Variants in PCMTD1 observed in about 807,000 individuals in gnomAD.
PCMTD1 encodes protein-L-isoaspartate O-methyltransferase domain-containing protein 1.
Under a neutral mutation model 37.6 loss-of-function variants are expected in PCMTD1, and 12 were observed. The observed-to-expected ratio is 0.32, with a 90% confidence interval of 0.20 to 0.52. The LOEUF (loss-of-function observed/expected upper bound fraction) is 0.52, where lower values mean the gene tolerates loss of function less well. Among genes scored for constraint, PCMTD1 ranks in the 20% least tolerant of loss-of-function variants. The probability of loss-of-function intolerance (pLI) is 0.97; values close to 1 mark genes in which losing one functional copy is unlikely to be tolerated. For missense variants in PCMTD1, 235 were observed against 421.3 expected, an observed-to-expected ratio of 0.56 and a Z score of 3.87; for synonymous variants, 117 against 135.8, an observed-to-expected ratio of 0.86 and a Z score of 0.96.
Position 51,820,354 on chromosome 8 carries a change from T to C in PCMTD1, c.1071A>G (p.Lys357=), listed in dbSNP as rs557489198. ...GCATTTTTCTTCTTGATCTAAGTTA[T>C]TTGTCTCTAAAATATGTCAAGTAAG... ...LKAYLTYFRD[K] Residue 357 remains lysine (K), a synonymous_variant, in exon 6 of 6, where the codon AAA becomes AAG. Coordinates refer to ENST00000522514, the MANE Select transcript of PCMTD1 (RefSeq NM_052937.4). 1.8e-5 allele frequency: 28 copies of C among 1,561,334 alleles called. No homozygotes were observed. The East Asian group carries it at 5.7e-4, about 32-fold the overall frequency.
intron 5 of PCMTD1, among the ~76,000 whole-genome samples, chr8:51,823,338 C>T (rs1266040959): frequency 1.3e-5 from 2 of 152,130 alleles, no homozygotes. Flanking sequence ...GTGGTACACG[C>T]CTGTATTCCC....
chr8:51,854,376 GAA>G (rs61269395), intron 2 of PCMTD1, among the ~76,000 whole-genome samples: 35 of 150,708 alleles, frequency 2.3e-4, no homozygotes, highest in Admixed American at 4.6e-4. Flanking sequence ...GTGAGAGGGG[GAA>G]AAAAAAAATC....
At chr8:51,893,269 T>C (rs2038959932) in intron 1 of PCMTD1, among the ~76,000 whole-genome samples, 1 of 152,202 alleles carries the variant, frequency 6.6e-6, no homozygotes, top group Non-Finnish European at 1.5e-5. Context: ...TTAGATAAAC[T>C]ATAAACAATA....
chr8:51,851,997 A>G (rs2038315211), intron 2 of PCMTD1, among the ~76,000 whole-genome samples: 1 of 152,216 alleles, frequency 6.6e-6, no homozygotes, highest in East Asian at 1.9e-4. Context: ...CATTTTCATC[A>G]GCTCTTTCAT....
intron 2 of PCMTD1, among the ~76,000 whole-genome samples, chr8:51,848,373 C>T (rs1004705508): frequency 2.6e-5 from 4 of 151,588 alleles, no homozygotes; most frequent in African/African-American, 9.7e-5. Flanking sequence ...TGCATAGATA[C>T]GAGATCAATT....
chr8:51,882,439 C>T (rs765808471), intron 1 of PCMTD1, among the ~76,000 whole-genome samples: 1 of 141,016 alleles, frequency 7.1e-6, no homozygotes, highest in Non-Finnish European at 1.5e-5. Flanking sequence ...CAATTCATAA[C>T]TGTACCTTCT....
chr8:51,857,127 G>T (rs538530973), intron 2 of PCMTD1, among the ~76,000 whole-genome samples: 1 of 152,206 alleles, frequency 6.6e-6, no homozygotes, highest in African/African-American at 2.4e-5. Flanking sequence ...AGAGTGTAGA[G>T]GTCAAACATC....
chr8:51,825,522 G>A lies in PCMTD1; in HGVS notation c.707-4804C>T, dbSNP rs1458774940. On this transcript the variant is annotated intron_variant, in intron 5 of 5. Coordinates refer to ENST00000522514, the MANE Select transcript of PCMTD1 (RefSeq NM_052937.4). ...ATCCTGGCTAACAAGGTGAAACCCC[G>A]TCTCTACTAAAAATACAAAAAATTA... Among the ~76,000 whole-genome samples the A allele has an allele frequency of 2.2e-4, 12 of 54,546 alleles. 2 individuals are homozygous for A. Among genetic ancestry groups the A allele is most frequent in the African/African-American group, 3.5e-4 (12 of 34,026 alleles). 35.8% of individuals were successfully genotyped at this position (54,546 alleles called of 152,430 possible).
intron 3 of PCMTD1, among the ~76,000 whole-genome samples, chr8:51,837,740 G>A (rs893259988): frequency 6.6e-5 from 10 of 152,106 alleles, no homozygotes; most frequent in East Asian, 1.9e-4. Context: ...AATCTTAGAC[G>A]TTTTGTATTC....
chr8:51,817,862 C>T lies in PCMTD1; in HGVS notation c.*2489G>A, dbSNP rs373070718. On this transcript the variant is annotated 3_prime_UTR_variant, in exon 6 of 6. Transcript: ENST00000522514. ...ATCTGATGCTAGAAGCTATCTTAGG[C>T]CCTGTCTCTAACTCACTGTATGTTT... 1.6e-4 allele frequency: 74 copies of T among 456,712 alleles called. No homozygotes were observed. The highest frequency in any genetic ancestry group is 1.1e-3 in the South Asian group (73 of 64,480). 28.3% of individuals were successfully genotyped at this position (456,712 alleles called of 1,614,324 possible).
At chr8:51,855,677 GT>G (rs1455123676) in intron 2 of PCMTD1, among the ~76,000 whole-genome samples, 2 of 151,454 alleles carry the variant, frequency 1.3e-5, no homozygotes, top group Non-Finnish European at 2.9e-5. Context: ...TTTTTGTTTT[GT>G]TTTTGAGACA....
chr8:51,854,919 AATCC>A (rs954461091), intron 2 of PCMTD1, among the ~76,000 whole-genome samples: 2 of 151,378 alleles, frequency 1.3e-5, no homozygotes, highest in Non-Finnish European at 2.9e-5. Flanking sequence ...TCACGCCTGT[AATCC>A]AAGCACTTTG....
chr8:51,826,752 T>C (rs2037926907), intron 5 of PCMTD1, among the ~76,000 whole-genome samples: 1 of 152,184 alleles, frequency 6.6e-6, no homozygotes, highest in African/African-American at 2.4e-5. Flanking sequence ...CAACTTCATA[T>C]AGCTCAATGT....
intron 3 of PCMTD1, chr8:51,845,429 T>C (rs1420215240): frequency 1.1e-5 from 4 of 377,772 alleles, no homozygotes; most frequent in Non-Finnish European, 1.9e-5. Flanking sequence ...GAATTCAACA[T>C]TACTAATAAA....
chr8:51,864,373 G>A (rs2038520354), intron 1 of PCMTD1, among the ~76,000 whole-genome samples: 1 of 152,140 alleles, frequency 6.6e-6, no homozygotes, highest in African/African-American at 2.4e-5. Context: ...CAGTGGACTT[G>A]AACAACGCTT....
chr8:51,878,650 G>A (rs138782366), intron 1 of PCMTD1, among the ~76,000 whole-genome samples: 77 of 152,290 alleles, frequency 5.1e-4, no homozygotes, highest in African/African-American at 1.9e-3. Context: ...TCAGGAAATG[G>A]AGGTAGGATG....
chr8:51,890,731 T>C (rs889260157), intron 1 of PCMTD1, among the ~76,000 whole-genome samples: 2 of 152,168 alleles, frequency 1.3e-5, no homozygotes, highest in East Asian at 1.9e-4. Context: ...TAAACACCCA[T>C]GTGCTTGGCA....
intron 1 of PCMTD1, among the ~76,000 whole-genome samples, chr8:51,873,894 T>G (rs2038674491): frequency 6.6e-6 from 1 of 151,892 alleles, no homozygotes. Context: ...GGCTCAGGTA[T>G]TTCTTTTTTT....
intron 2 of PCMTD1, among the ~76,000 whole-genome samples, chr8:51,847,598 G>A (rs2038240967): frequency 6.6e-6 from 1 of 152,052 alleles, no homozygotes; most frequent in African/African-American, 2.4e-5. Flanking sequence ...TTGCACTCCA[G>A]CATGGGTGAC....
Sources: allele counts gnomAD v4.1 joint callset (sites outside exome capture counted in the v4.1 genomes callset), GRCh38; gene constraint gnomAD v4.1.1; transcripts MANE v1.5; gene names NCBI Gene and HGNC (gene_info 2026-07-23, HGNC 2026-07-21).